The following ZNF804A variants were observed in gnomAD, a reference collection of about 807,000 sequenced individuals.
ZNF804A encodes zinc finger protein 804A.
In ZNF804A, 2 loss-of-function variants were observed where a neutral mutation model predicts 16.5. That is an observed-to-expected ratio of 0.12 (90% CI 0.05 to 0.38). The LOEUF is 0.38. Among genes scored for constraint, ZNF804A ranks in the 10% least tolerant of loss-of-function variants. ZNF804A has a pLI of 0.99. For synonymous variants in ZNF804A, 534 were observed against 489.6 expected, an observed-to-expected ratio of 1.09 and a Z score of -1.20; for missense variants, 1,473 against 1,390.7, an observed-to-expected ratio of 1.06 and a Z score of -0.94.
intron 1 of ZNF804A, among the ~76,000 whole-genome samples, chr2:184,864,172 C>T (rs1195810153): frequency 6.6e-6 from 1 of 152,096 alleles, no homozygotes; most frequent in African/African-American, 2.4e-5. Context: ...TGATGAGGGC[C>T]TCAGGCTGCT....
In ZNF804A at chr2:184,767,171, A is replaced by G. The variant is rs993641454; in HGVS notation, c.112-99198A>G. ...TCTACCCAGTTGATAGTATTTTGTT[A>G]AAGCTATTCTGACTAACACACAACC... On this transcript the variant is annotated intron_variant, in intron 1 of 3. Coordinates refer to ENST00000302277, the MANE Select transcript of ZNF804A (RefSeq NM_194250.2). Among the ~76,000 whole-genome samples, 41 of 152,300 alleles carry G rather than the reference A, an allele frequency of 2.7e-4. 2 individuals are homozygous for G. Among genetic ancestry groups the G allele is most frequent in the Admixed American group, 2.6e-3 (39 of 15,284 alleles).
intron 1 of ZNF804A, among the ~76,000 whole-genome samples, chr2:184,789,894 C>A (rs1694507385): frequency 6.6e-6 from 1 of 151,574 alleles, no homozygotes; most frequent in Admixed American, 6.6e-5. Context: ...TGTTGTTTTT[C>A]TAGTTCCTTG....
At chr2:184,719,104 T>C (rs887784471) in intron 1 of ZNF804A, among the ~76,000 whole-genome samples, 1 of 152,184 alleles carries the variant, frequency 6.6e-6, no homozygotes, top group African/African-American at 2.4e-5. Context: ...GTTCTTGACT[T>C]TTATGCACTT....
intron 2 of ZNF804A, among the ~76,000 whole-genome samples, chr2:184,881,672 C>T (rs973732975): frequency 6.6e-6 from 1 of 151,800 alleles, no homozygotes; most frequent in African/African-American, 2.4e-5. Flanking sequence ...ATTAGTCTAG[C>T]TAGCCAAGCC....
At chr2:184,819,378 A>G (rs966623168) in intron 1 of ZNF804A, among the ~76,000 whole-genome samples, 1 of 152,124 alleles carries the variant, frequency 6.6e-6, no homozygotes, top group African/African-American at 2.4e-5. Context: ...TAGTGAGAAC[A>G]AAGAGGCAGT....
intron 1 of ZNF804A, 34 bp downstream of exon 1, chr2:184,599,104 A>T (rs375288737): frequency 6.8e-6 from 8 of 1,178,640 alleles, no homozygotes; most frequent in African/African-American, 3.3e-5. Flanking sequence ...TCTCTCTCTC[A>T]TATTTAAGAG....
At chr2:184,757,863 C>G (rs779049968) in intron 1 of ZNF804A, among the ~76,000 whole-genome samples, 3 of 151,914 alleles carry the variant, frequency 2.0e-5, no homozygotes, top group Non-Finnish European at 4.4e-5. Context: ...CCCTCTAGAG[C>G]TTGAATAAAT....
chr2:184,769,545 T>C (rs1363434510), intron 1 of ZNF804A, among the ~76,000 whole-genome samples: 2 of 152,068 alleles, frequency 1.3e-5, no homozygotes, highest in Non-Finnish European at 1.5e-5. Flanking sequence ...TTTTTTTATT[T>C]ATATAGGCGA....
rs1483004996 is a variant in ZNF804A at position 184,782,803 on chromosome 2, T to C, written c.112-83566T>C. Among the ~76,000 whole-genome samples, 4 of 148,734 alleles carry C rather than the reference T, an allele frequency of 2.7e-5. No individual in the cohort carries two copies. The East Asian group carries it at 7.9e-4, about 30-fold the overall frequency. ...TTTTTTCTGAACTCTTCTCACTCTC[T>C]AGATTCTTAGTCTCTGAAGTTTAGA... On this transcript the variant is annotated intron_variant, in intron 1 of 3. Coordinates refer to ENST00000302277, the MANE Select transcript of ZNF804A (RefSeq NM_194250.2).
chr2:184,778,138 C>A (rs1694316490), intron 1 of ZNF804A, among the ~76,000 whole-genome samples: 1 of 151,582 alleles, frequency 6.6e-6, no homozygotes, highest in African/African-American at 2.4e-5. Flanking sequence ...GTTAAAGCTC[C>A]TGTTATGTCT....
At chr2:184,785,139 G>A (rs996375756) in intron 1 of ZNF804A, among the ~76,000 whole-genome samples, 1 of 151,954 alleles carries the variant, frequency 6.6e-6, no homozygotes, top group Non-Finnish European at 1.5e-5. Flanking sequence ...CCATCCCAGT[G>A]AAGAAAAACT....
intron 1 of ZNF804A, among the ~76,000 whole-genome samples, chr2:184,640,123 A>C (rs1196397753): frequency 1.3e-5 from 2 of 152,086 alleles, no homozygotes. Context: ...ATGTGTAAAA[A>C]TACTGATGAA....
intron 1 of ZNF804A, among the ~76,000 whole-genome samples, chr2:184,806,930 A>G (rs1229368522): frequency 2.6e-5 from 4 of 151,818 alleles, no homozygotes; most frequent in Non-Finnish European, 4.4e-5. Context: ...GCATTGTCAT[A>G]TTTGTATGAA....
chr2:184,732,558 T>C (rs1382201689), intron 1 of ZNF804A, among the ~76,000 whole-genome samples: 1 of 152,150 alleles, frequency 6.6e-6, no homozygotes, highest in African/African-American at 2.4e-5. Flanking sequence ...TGTCAATATC[T>C]TCAAAATAAC....
intron 1 of ZNF804A, among the ~76,000 whole-genome samples, chr2:184,615,895 T>C (rs1341450365): frequency 1.3e-5 from 2 of 152,046 alleles, no homozygotes; most frequent in Admixed American, 6.6e-5. Flanking sequence ...ACTAACATCA[T>C]CAGTGAAAAG....
At chr2:184,809,066 A>G (rs990065763) in intron 1 of ZNF804A, among the ~76,000 whole-genome samples, 2 of 151,818 alleles carry the variant, frequency 1.3e-5, no homozygotes, top group African/African-American at 4.8e-5. Flanking sequence ...TCAAGACTTG[A>G]AGTAGTTAAT....
chr2:184,600,629 T>G (rs1691030062), intron 1 of ZNF804A, among the ~76,000 whole-genome samples: 2 of 152,214 alleles, frequency 1.3e-5, no homozygotes, highest in South Asian at 4.1e-4. Flanking sequence ...AAAGGCAAAC[T>G]TAATGCACAA....
intron 1 of ZNF804A, among the ~76,000 whole-genome samples, chr2:184,855,375 C>T (rs1045169750): frequency 6.6e-6 from 1 of 151,960 alleles, no homozygotes; most frequent in Non-Finnish European, 1.5e-5. Context: ...CAATGGCTTG[C>T]GCTTACTGCT....
At chr2:184,709,792 CAT>C (rs201610046) in intron 1 of ZNF804A, among the ~76,000 whole-genome samples, 2 of 148,420 alleles carry the variant, frequency 1.3e-5, no homozygotes, top group Admixed American at 6.8e-5. Context: ...TTAGACTTTT[CAT>C]ATATATATAT....
Sources: allele counts gnomAD v4.1 joint callset (sites outside exome capture counted in the v4.1 genomes callset), GRCh38; gene constraint gnomAD v4.1.1; transcripts MANE v1.5; gene names NCBI Gene and HGNC (gene_info 2026-07-23, HGNC 2026-07-21).